Variants in VANGL1 observed in about 807,000 individuals in gnomAD.
VANGL1 encodes VANGL planar cell polarity protein 1.
VANGL1 carries 18 observed loss-of-function variants against 48.4 expected under a neutral mutation model. That is an observed-to-expected ratio of 0.37 (90% CI 0.26 to 0.55). The LOEUF (loss-of-function observed/expected upper bound fraction) is 0.55, where lower values mean the gene tolerates loss of function less well. Among genes scored for constraint, VANGL1 ranks in the 20% least tolerant of loss-of-function variants. The probability of loss-of-function intolerance (pLI) is 0.81; values close to 1 mark genes in which losing one functional copy is unlikely to be tolerated. For synonymous variants in VANGL1, 257 were observed against 261.8 expected (o/e 0.98, Z 0.18); for missense variants, 667 against 675.8 (o/e 0.99, Z 0.14).
intron 6 of VANGL1, 57 bp downstream of exon 6, chr1:115,684,133 T>C (rs1261254264): frequency 7.5e-7 from 1 of 1,328,122 alleles, no homozygotes. Context: ...TTTTATTTTA[T>C]TTATTTATTT....
At chr1:115,689,500 G>A (rs562443683) in intron 7 of VANGL1, among the ~76,000 whole-genome samples, 1 of 136,790 alleles carries the variant, frequency 7.3e-6, no homozygotes, top group Non-Finnish European at 1.6e-5. Flanking sequence ...AGCCAGGCGT[G>A]GTGGCGCATG....
chr1:115,660,942 C>A (rs1041866853), intron 3 of VANGL1, among the ~76,000 whole-genome samples: 2 of 152,102 alleles, frequency 1.3e-5, no homozygotes, highest in Non-Finnish European at 2.9e-5. Flanking sequence ...GATTGGATCA[C>A]CCTGGAGTAC....
intron 4 of VANGL1, among the ~76,000 whole-genome samples, chr1:115,667,532 G>A (rs1278272616): frequency 1.3e-5 from 2 of 152,160 alleles, no homozygotes; most frequent in African/African-American, 4.8e-5. Flanking sequence ...GGGTAGAGGT[G>A]TCCCCTCTTA....
At chr1:115,685,261 TC>T in intron 6 of VANGL1, 31 bp from the exon 7 acceptor site, 1 of 1,610,800 alleles carries the variant, frequency 6.2e-7, no homozygotes, top group Non-Finnish European at 8.5e-7. Context: ...GCAGGCACCA[TC>T]CTGATTACTT....
chr1:115,659,502 GCT>G, intron 2 of VANGL1, 137 bp from the exon 3 acceptor site: 8 of 1,068,784 alleles, frequency 7.5e-6, no homozygotes, highest in Non-Finnish European at 1.1e-5. Context: ...GGGTTTTGAT[GCT>G]CTGTGTGTGT....
chr1:115,664,031 T>C lies in VANGL1; in HGVS notation c.575T>C (p.Leu192Pro), dbSNP rs561312836. 5.3e-5 allele frequency: 86 copies of C among 1,614,224 alleles called. 1 individual carries two copies. The South Asian group carries it at 9.1e-4, about 17-fold the overall frequency. The change falls in exon 4 of 8, where the codon CTC becomes CCC. Residue 192 changes from leucine (L) to proline (P), a missense_variant. Coordinates refer to ENST00000355485, the MANE Select transcript of VANGL1 (RefSeq NM_138959.3). The stretch of plus-strand genomic sequence containing the variant: ...GTGTTTCGTGCCCTTTTGTTGGTCC[T>C]CATCTTTCTCTTTGTGGTTTCCTAT... ...VFVFRALLLV[L>P]IFLFVVSYWL...
rs766825956 is a variant in VANGL1 at position 115,691,264 on chromosome 1, A to G, written c.1460A>G (p.Asp487Gly). Residue 487 changes from aspartate to glycine, a missense_variant, in exon 8 of 8, where the codon GAC becomes GGC. Physicochemically the swap from Asp to Gly is moderately conservative, Grantham distance 94. Coordinates refer to ENST00000355485, the MANE Select transcript of VANGL1 (RefSeq NM_138959.3). ...DGIVFVLKCL[D>G]FSLVVNVKKI... ...ATTGTGTTCGTCCTTAAGTGCTTGG[A>G]CTTCAGCCTCGTAGTCAATGTGAAG... 31 of 1,613,940 alleles carry G rather than the reference A, an allele frequency of 1.9e-5. No homozygotes were observed. The highest frequency in any genetic ancestry group is 2.2e-5 in the South Asian group (2 of 91,072).
At position 115,664,036 on chromosome 1, in the gene VANGL1, T is replaced by C; in HGVS notation, c.580T>C (p.Phe194Leu). ...VFRALLLVLI[F>L]LFVVSYWLFY... ...TCGTGCCCTTTTGTTGGTCCTCATC[T>C]TTCTCTTTGTGGTTTCCTATTGGCT... The change falls in exon 4 of 8, where the codon TTT (phenylalanine) becomes CTT (leucine). Residue 194 changes from phenylalanine (F) to leucine (L), a missense_variant. Transcript: ENST00000355485. 1 of 1,614,232 alleles carries C rather than the reference T, an allele frequency of 6.2e-7. No homozygotes were observed. The highest frequency in any genetic ancestry group is 8.5e-7 in the Non-Finnish European group (1 of 1,180,046).
chr1:115,684,456 T>A (rs1653516493), intron 6 of VANGL1, among the ~76,000 whole-genome samples: 1 of 152,138 alleles, frequency 6.6e-6, no homozygotes. Flanking sequence ...AGACTTTCAA[T>A]CTTTCCTTTC....
At chr1:115,649,340 A>G (rs1652051965) in intron 1 of VANGL1, among the ~76,000 whole-genome samples, 1 of 151,962 alleles carries the variant, frequency 6.6e-6, no homozygotes, top group Non-Finnish European at 1.5e-5. Flanking sequence ...CTTTTTATGG[A>G]TTGGGAAGTC....
rs1410929455 is a variant in VANGL1 at position 115,695,001 on chromosome 1, A to G, written c.*3622A>G. On this transcript the variant is annotated 3_prime_UTR_variant, in exon 8 of 8. Coordinates refer to ENST00000355485, the MANE Select transcript of VANGL1 (RefSeq NM_138959.3). ...CAGTGACTTTTCCCTCCCCTGCTTTATTCCTTTCCCTCACTGACACTGGCT... is the reference window on the plus strand; with the variant it reads ...CAGTGACTTTTCCCTCCCCTGCTTTGTTCCTTTCCCTCACTGACACTGGCT... 1.3e-5 allele frequency: 2 copies of G among 152,114 alleles called. No homozygotes were observed. The highest frequency in any genetic ancestry group is 2.9e-5 in the Non-Finnish European group (2 of 68,048). The allele number at this position is 152,114 out of a possible 1,614,324, so 9.4% of individuals were successfully genotyped here.
intron 5 of VANGL1, among the ~76,000 whole-genome samples, chr1:115,683,385 G>A (rs1179299710): frequency 1.3e-5 from 2 of 152,142 alleles, no homozygotes; most frequent in African/African-American, 2.4e-5. Flanking sequence ...ATTCATTAAC[G>A]GGTCACGTTG....
chr1:115,659,505 CTGTG>C (rs58894569), intron 2 of VANGL1, 132 bp from the exon 3 acceptor site: 70,288 of 947,430 alleles, frequency 0.074, 723 homozygotes, highest in East Asian at 0.13. Flanking sequence ...TTTTGATGCT[CTGTG>C]TGTGTGTGTG....
rs965363223 is a variant in VANGL1, at chr1:115,674,749, A to T, written c.813-7615A>T. ...CTTGAAAAGGACTTGTCCATGGGGG[A>T]TGTCTTCATCCCTTCTCCCTGCTCA... On this transcript the variant is annotated intron_variant, in intron 4 of 7. Coordinates refer to ENST00000355485, the MANE Select transcript of VANGL1 (RefSeq NM_138959.3). 8.5e-5 allele frequency among the ~76,000 whole-genome samples: 13 copies of T among 152,158 alleles called. No homozygotes were observed. In the South Asian group the frequency reaches 1.2e-3, roughly 15 times the overall value.
intron 4 of VANGL1, among the ~76,000 whole-genome samples, chr1:115,675,834 G>A (rs899523825): frequency 2.0e-5 from 3 of 152,030 alleles, no homozygotes; most frequent in Admixed American, 6.5e-5. Context: ...ATATGGATTG[G>A]GAGATTGGAC....
At chr1:115,683,688 A>T (rs1035401862) in intron 5 of VANGL1, among the ~76,000 whole-genome samples, 20 of 152,310 alleles carry the variant, frequency 1.3e-4, no homozygotes, top group African/African-American at 4.6e-4. Context: ...ACCGTTCTTC[A>T]TGCCCTTCTG....
intron 4 of VANGL1, among the ~76,000 whole-genome samples, chr1:115,679,104 C>T (rs1182266214): frequency 6.6e-6 from 1 of 152,194 alleles, no homozygotes; most frequent in Non-Finnish European, 1.5e-5. Flanking sequence ...ATCAAACAGA[C>T]CATCCTCTGT....
At chr1:115,686,816 C>G (rs1432659778) in intron 7 of VANGL1, among the ~76,000 whole-genome samples, 1 of 152,172 alleles carries the variant, frequency 6.6e-6, no homozygotes, top group African/African-American at 2.4e-5. Context: ...CTGTTTTAAG[C>G]ACATCACGTG....
At chr1:115,681,504 TTTTTTTTG>T (rs1220441337) in intron 4 of VANGL1, among the ~76,000 whole-genome samples, 1 of 85,012 alleles carries the variant, frequency 1.2e-5, no homozygotes, top group Admixed American at 1.1e-4. Context: ...TTTTTTGTTG[TTTTTTTTG>T]TTTTTTTTTT....
Sources: allele counts gnomAD v4.1 joint callset (sites outside exome capture counted in the v4.1 genomes callset), GRCh38; gene constraint gnomAD v4.1.1; transcripts MANE v1.5; gene names NCBI Gene and HGNC (gene_info 2026-07-23, HGNC 2026-07-21).